CEMIP2: variants seen among roughly 807,000 people sequenced by gnomAD.
The protein encoded by CEMIP2 is cell migration inducing hyaluronidase 2.
A neutral mutation model predicts 146.9 loss-of-function variants in CEMIP2; 79 were observed. That is an observed-to-expected ratio of 0.54 (90% CI 0.45 to 0.65). The LOEUF is 0.65. Ranked by LOEUF, CEMIP2 falls within the 30% of genes least tolerant of loss-of-function variation. The pLI is 0.00. For missense variants in CEMIP2, 1,596 were observed against 1,696.2 expected (o/e 0.94, Z 1.04); for synonymous variants, 601 against 606.3 (o/e 0.99, Z 0.13).
At chr9:71,764,785 C>G (rs1291644474) in intron 1 of CEMIP2, among the ~76,000 whole-genome samples, 1 of 151,460 alleles carries the variant, frequency 6.6e-6, no homozygotes, top group Non-Finnish European at 1.5e-5. Flanking sequence ...AACAGATTCG[C>G]CTAGACAGCA....
At chr9:71,764,869 G>A (rs949457985) in intron 1 of CEMIP2, among the ~76,000 whole-genome samples, 1 of 151,152 alleles carries the variant, frequency 6.6e-6, no homozygotes, top group Non-Finnish European at 1.5e-5. Context: ...GAGAAAACTA[G>A]TAATGGGGAT....
chr9:71,767,697 C>T (rs1331673642), intron 1 of CEMIP2, among the ~76,000 whole-genome samples: 1 of 152,218 alleles, frequency 6.6e-6, no homozygotes, highest in Non-Finnish European at 1.5e-5. Flanking sequence ...TTACCAGGAT[C>T]TCCCAACTCT....
At chr9:71,748,681 G>C (rs1054821394) in intron 2 of CEMIP2, among the ~76,000 whole-genome samples, 6 of 152,160 alleles carry the variant, frequency 3.9e-5, no homozygotes, top group Non-Finnish European at 8.8e-5. Flanking sequence ...GAGAGAGGAA[G>C]TCATACCGCA....
chr9:71,722,161 T>A (rs779940887), intron 12 of CEMIP2, among the ~76,000 whole-genome samples: 4 of 152,210 alleles, frequency 2.6e-5, no homozygotes, highest in Non-Finnish European at 5.9e-5. Flanking sequence ...TCCTCTTTTT[T>A]CTTTCTCTTT....
rs369654117 is a variant in CEMIP2, at chr9:71,728,193, TTCTCTCTCTCTC to T, written c.2049+1640_2049+1651del. ...TCTGTCTGGTCAACACAGCGAAACC[TTCTCTCTCTCTC>T]TCTCTCTCTCTCTCTCTCTCTCTCT... On this transcript the variant is annotated intron_variant, in intron 10 of 23. Coordinates refer to ENST00000377044, the MANE Select transcript of CEMIP2 (RefSeq NM_013390.3). Among the ~76,000 whole-genome samples the T allele has an allele frequency of 7.7e-3, 226 of 29,534 alleles. 10 individuals are homozygous for T. Among genetic ancestry groups the T allele is most frequent in the East Asian group, 0.027 (22 of 820 alleles). The allele number at this position is 29,534 out of a possible 152,430, so 19.4% of individuals were successfully genotyped here. A position where few individuals can be genotyped will look rare whatever the true frequency, so the allele number is the denominator to read the frequency against.
intron 13 of CEMIP2, among the ~76,000 whole-genome samples, chr9:71,717,069 G>T (rs1823078409): frequency 6.6e-6 from 1 of 152,162 alleles, no homozygotes; most frequent in Non-Finnish European, 1.5e-5. Flanking sequence ...CTACTCGGGA[G>T]GCTAAGGTGA....
At chr9:71,697,030 T>C (rs1159734499) in intron 20 of CEMIP2, among the ~76,000 whole-genome samples, 4 of 152,182 alleles carry the variant, frequency 2.6e-5, no homozygotes, top group African/African-American at 9.7e-5. Flanking sequence ...TTATTGCTTT[T>C]TAAAAAAAAT....
rs1823462623 is a variant in CEMIP2 at position 71,728,241 on chromosome 9, ATATATATATGTATATACACG to A, written c.2049+1584_2049+1603del. On this transcript the variant is annotated intron_variant, in intron 10 of 23. Transcript: ENST00000377044. The stretch of plus-strand genomic sequence containing the variant: ...TCTCTCTCTCTCTCTCTATATATAT[ATATATATATGTATATACACG>A]TATATATATATATATATATGTATAT... Among the ~76,000 whole-genome samples the A allele has an allele frequency of 5.6e-4, 27 of 48,062 alleles. 3 individuals are homozygous for A. The highest frequency in any genetic ancestry group is 9.1e-4 in the Non-Finnish European group (20 of 21,972). The allele number at this position is 48,062 out of a possible 152,430, so 31.5% of individuals were successfully genotyped here.
chr9:71,734,460 C>T lies in CEMIP2; in HGVS notation c.1393+346G>A, dbSNP rs373820473. Among the ~76,000 whole-genome samples, 83 of 152,230 alleles carry T rather than the reference C, an allele frequency of 5.5e-4. No homozygotes were observed. In the South Asian group the frequency reaches 0.016, roughly 29 times the overall value. On this transcript the variant is annotated intron_variant, in intron 6 of 23. Coordinates refer to ENST00000377044, the MANE Select transcript of CEMIP2 (RefSeq NM_013390.3). ...AGGTGCAGCAAACCACCATGGCACA[C>T]GTTTACCTATGTAATGAACCTACAC...
chr9:71,717,652 G>A (rs563042160), intron 13 of CEMIP2, among the ~76,000 whole-genome samples: 25 of 152,208 alleles, frequency 1.6e-4, no homozygotes, highest in African/African-American at 4.8e-4. Context: ...TTTATTTAGC[G>A]CTCTGACATA....
At chr9:71,725,125 C>CTGATGACAAG (rs1393508511) in intron 11 of CEMIP2, among the ~76,000 whole-genome samples, 3 of 152,190 alleles carry the variant, frequency 2.0e-5, no homozygotes, top group Non-Finnish European at 4.4e-5. Flanking sequence ...ATTACTTTCT[C>CTGATGACAAG]TGATGACAAG....
At chr9:71,754,233 A>G (rs1042003841) in intron 1 of CEMIP2, among the ~76,000 whole-genome samples, 1 of 152,240 alleles carries the variant, frequency 6.6e-6, no homozygotes, top group East Asian at 1.9e-4. Flanking sequence ...AGATTTTTTA[A>G]AGAAAATAAA....
chr9:71,763,060 T>TAA (rs771563548), intron 1 of CEMIP2, among the ~76,000 whole-genome samples: 2 of 137,546 alleles, frequency 1.5e-5, no homozygotes, highest in East Asian at 2.1e-4. Context: ...AACCACAACT[T>TAA]AAAAAAAAAA....
Position 71,684,241 on chromosome 9 carries a change from G to A in CEMIP2, c.*956C>T, listed in dbSNP as rs1821989680. The A allele has an allele frequency of 6.6e-6, 1 of 152,006 alleles. No individual in the cohort carries two copies. Among genetic ancestry groups the A allele is most frequent in the African/African-American group, 2.4e-5 (1 of 41,356 alleles). 9.4% of individuals were successfully genotyped at this position (152,006 alleles called of 1,614,324 possible). A position where few individuals can be genotyped will look rare whatever the true frequency, so the allele number is the denominator to read the frequency against. On this transcript the variant is annotated 3_prime_UTR_variant, in exon 24 of 24. Coordinates refer to ENST00000377044, the MANE Select transcript of CEMIP2 (RefSeq NM_013390.3). ...TTTCTGGGATTTTCCTGGCAGGAGG[G>A]TGAACAGAAAAGCTTTAAAAAATCC...
intron 4 of CEMIP2, among the ~76,000 whole-genome samples, chr9:71,741,669 A>C (rs1589158475): frequency 1.0e-5 from 1 of 98,944 alleles, no homozygotes; most frequent in Non-Finnish European, 1.8e-5. Context: ...ACAGAGTCTC[A>C]CTCTTGTCGC....
At chr9:71,757,478 T>C (rs1824498580) in intron 1 of CEMIP2, among the ~76,000 whole-genome samples, 1 of 152,218 alleles carries the variant, frequency 6.6e-6, no homozygotes, top group Non-Finnish European at 1.5e-5. Flanking sequence ...TTTTCTTTTA[T>C]TACGATCTTA....
chr9:71,718,008 A>C lies in CEMIP2; in HGVS notation c.2339T>G (p.Phe780Cys). The change falls in exon 13 of 24, where the codon TTT (phenylalanine) becomes TGT (cysteine). Residue 780 changes from phenylalanine (F) to cysteine (C), a missense_variant. By Grantham distance (205) the Phe-to-Cys change is radical (BLOSUM62 -2). Transcript: ENST00000377044. ...CCAAGCTCCATTATCATTATTTTTAAAAGCAATGAGCCTGTCAATTAGAGC... is the reference window on the plus strand; with the variant it reads ...CCAAGCTCCATTATCATTATTTTTACAAGCAATGAGCCTGTCAATTAGAGC... The part of the protein sequence containing the change: ...VAALIDRLIA[F>C]KNNDNGAWVR... The C allele has an allele frequency of 6.2e-7, 1 of 1,613,314 alleles. No homozygotes were observed. The highest frequency in any genetic ancestry group is 8.5e-7 in the Non-Finnish European group (1 of 1,179,574).
intron 22 of CEMIP2, among the ~76,000 whole-genome samples, chr9:71,689,345 G>T (rs1822160218): frequency 1.3e-5 from 2 of 152,188 alleles, no homozygotes; most frequent in South Asian, 4.1e-4. Flanking sequence ...CTTCCTTAAT[G>T]GTTCCATTAA....
At chr9:71,742,975 T>C (rs1247832526) in intron 4 of CEMIP2, among the ~76,000 whole-genome samples, 1 of 151,940 alleles carries the variant, frequency 6.6e-6, no homozygotes, top group Admixed American at 6.6e-5. Flanking sequence ...TCGCAGCAAT[T>C]TGGGAGGCTG....
Sources: gnomAD v4.1 joint callset for allele counts (sites outside exome capture counted in the v4.1 genomes callset) on GRCh38, gnomAD v4.1.1 for gene constraint, MANE v1.5 for transcripts, NCBI Gene and HGNC (gene_info 2026-07-23, HGNC 2026-07-21) for gene names.